Variants in MRRF observed in about 807,000 individuals in gnomAD.
The protein encoded by MRRF is ribosome-recycling factor, mitochondrial.
A neutral mutation model predicts 25.1 loss-of-function variants in MRRF; 18 were observed. The ratio of observed to expected loss-of-function variants is 0.72; its 90% CI spans 0.50 to 1.06. The LOEUF (loss-of-function observed/expected upper bound fraction) is 1.06. MRRF is among the 50% of genes least tolerant of loss of function. The pLI is 0.00. For synonymous variants in MRRF, 113 were observed against 112.1 expected, an observed-to-expected ratio of 1.01 and a Z score of -0.05; for missense variants, 323 against 319.3, an observed-to-expected ratio of 1.01 and a Z score of -0.09.
At position 122,283,130 on chromosome 9, in the gene MRRF, G is replaced by T. The variant is rs553275703; in HGVS notation, c.341-2039G>T. ...TTTTTTGGAGTCAGAGTCTTGCACT[G>T]TCGCCAGGAGTGGAGTGCAATGGCG... is the stretch of plus-strand genomic sequence containing the variant. On this transcript the variant is annotated intron_variant, in intron 3 of 6. Coordinates refer to ENST00000344641, the MANE Select transcript of MRRF (RefSeq NM_138777.5). Among the ~76,000 whole-genome samples the T allele has an allele frequency of 1.1e-3, 163 of 142,814 alleles. 1 individual carries two copies. Among genetic ancestry groups the T allele is most frequent in the African/African-American group, 4.2e-3 (159 of 38,048 alleles). 93.7% of individuals were successfully genotyped at this position (142,814 alleles called of 152,430 possible).
Position 122,327,006 on chromosome 9 carries a change from C to T in MRRF, c.*4389C>T, listed in dbSNP as rs1281513220. 1 of 152,180 alleles carries T rather than the reference C, an allele frequency of 6.6e-6. No individual in the cohort carries two copies. The allele number at this position is 152,180 out of a possible 1,614,324, so 9.4% of individuals were successfully genotyped here. Reference sequence around the variant, plus strand: ...CGCTGAACACTTACTCAAAAGGGACCTCGCGCTGTTCTGGACCTGGACGGT... The same window carrying T: ...CGCTGAACACTTACTCAAAAGGGACTTCGCGCTGTTCTGGACCTGGACGGT... On this transcript the variant is annotated 3_prime_UTR_variant, in exon 7 of 7. Coordinates refer to ENST00000344641, the MANE Select transcript of MRRF (RefSeq NM_138777.5).
chr9:122,271,046 T>C lies in MRRF; in HGVS notation c.155T>C (p.Val52Ala). 1 of 1,614,198 alleles carries C rather than the reference T, an allele frequency of 6.2e-7. No homozygotes were observed. Among genetic ancestry groups the C allele is most frequent in the African/African-American group, 1.3e-5 (1 of 75,048 alleles). ...TACATGGCCTATTCAGCTGTACCAGTCCGCCATTTTGCTACCAAGAAAGCC... is the reference window on the plus strand; with the variant it reads ...TACATGGCCTATTCAGCTGTACCAGCCCGCCATTTTGCTACCAAGAAAGCC... ...RQYMAYSAVP[V>A]RHFATKKAKA... Residue 52 changes from valine to alanine, a missense_variant, in exon 2 of 7, where the codon GTC becomes GCC. Transcript: ENST00000344641.
intron 2 of MRRF, among the ~76,000 whole-genome samples, chr9:122,275,398 C>T (rs911530742): frequency 6.6e-6 from 1 of 151,942 alleles, no homozygotes; most frequent in African/African-American, 2.4e-5. Context: ...TTTGGGAGGC[C>T]GAGGCGGGTG....
chr9:122,316,285 C>T (rs544863201), intron 6 of MRRF, among the ~76,000 whole-genome samples: 1 of 152,106 alleles, frequency 6.6e-6, no homozygotes, highest in Admixed American at 6.5e-5. Context: ...AAGCGATTCT[C>T]CTGCCTCAGA....
At chr9:122,301,382 A>C (rs1293315305) in intron 5 of MRRF, among the ~76,000 whole-genome samples, 1 of 152,224 alleles carries the variant, frequency 6.6e-6, no homozygotes, top group African/African-American at 2.4e-5. Context: ...TGCAGTTGAC[A>C]GCTGCAGGAG....
chr9:122,285,698 C>T, intron 4 of MRRF: 2 of 1,132,106 alleles, frequency 1.8e-6, no homozygotes, highest in Non-Finnish European at 2.3e-6. Flanking sequence ...TTTTTATTTC[C>T]AGAAGAAGCT....
intron 6 of MRRF, among the ~76,000 whole-genome samples, chr9:122,318,820 T>G (rs1163168219): frequency 6.6e-6 from 1 of 152,254 alleles, no homozygotes; most frequent in Non-Finnish European, 1.5e-5. Context: ...GTGTCATCTT[T>G]CTGAGCCTCT....
intron 5 of MRRF, among the ~76,000 whole-genome samples, chr9:122,294,452 A>G (rs1296329549): frequency 1.3e-5 from 2 of 152,200 alleles, no homozygotes; most frequent in African/African-American, 2.4e-5. Flanking sequence ...ATTTTGGTTA[A>G]TGGGTGTAAT....
At position 122,280,357 on chromosome 9, in the gene MRRF, T is replaced by A. The variant is rs1002605846; in HGVS notation, c.185-86T>A. On this transcript the variant is annotated intron_variant, in intron 2 of 6. Coordinates refer to ENST00000344641, the MANE Select transcript of MRRF (RefSeq NM_138777.5). ...TTTTCTAACACTTGACATTTTTCCC[T>A]GTACATAGTAGGTACTTCTTCACCA... 2.1e-6 allele frequency: 3 copies of A among 1,415,482 alleles called. No individual in the cohort carries two copies. In the Admixed American group the frequency reaches 5.1e-5, roughly 24 times the overall value. The allele number at this position is 1,415,482 out of a possible 1,614,324, so 87.7% of individuals were successfully genotyped here. A position where few individuals can be genotyped will look rare whatever the true frequency, so the allele number is the denominator to read the frequency against.
chr9:122,303,451 A>G (rs1834601602), intron 5 of MRRF, among the ~76,000 whole-genome samples: 1 of 152,010 alleles, frequency 6.6e-6, no homozygotes, highest in African/African-American at 2.4e-5. Flanking sequence ...TGGCACAATC[A>G]CAATTAGTGG....
At chr9:122,308,575 T>G (rs1835008938) in intron 5 of MRRF, among the ~76,000 whole-genome samples, 1 of 151,486 alleles carries the variant, frequency 6.6e-6, no homozygotes, top group Non-Finnish European at 1.5e-5. Context: ...GGCTTGTGAC[T>G]GTAATCCCAG....
intron 5 of MRRF, among the ~76,000 whole-genome samples, chr9:122,298,494 A>C (rs1398761630): frequency 2.0e-5 from 3 of 152,236 alleles, no homozygotes; most frequent in Non-Finnish European, 4.4e-5. Flanking sequence ...CAATCAACAC[A>C]GAGTAGTTCA....
At chr9:122,301,883 A>G (rs1588059522) in intron 5 of MRRF, among the ~76,000 whole-genome samples, 1 of 150,712 alleles carries the variant, frequency 6.6e-6, no homozygotes, top group South Asian at 2.1e-4. Context: ...ACAGACATGC[A>G]CCACCACACC....
chr9:122,285,775 T>A (rs1007813349), intron 4 of MRRF: 188 of 1,265,858 alleles, frequency 1.5e-4, no homozygotes, highest in Non-Finnish European at 1.8e-4. Context: ...GTTTTTTTTT[T>A]AAAGACTATG....
intron 3 of MRRF, among the ~76,000 whole-genome samples, chr9:122,281,787 G>C (rs111280191): frequency 6.6e-6 from 1 of 152,136 alleles, no homozygotes; most frequent in Admixed American, 6.5e-5. Context: ...AAAAGATGAT[G>C]GGCCTGGAAA....
Position 122,288,096 on chromosome 9 carries a change from C to T in MRRF, c.459+2809C>T, listed in dbSNP as rs571741391. Among the ~76,000 whole-genome samples, 3 of 152,272 alleles carry T rather than the reference C, an allele frequency of 2.0e-5. No individual in the cohort carries two copies. In the South Asian group the frequency reaches 6.2e-4, roughly 32 times the overall value. ...GCATTGAAGACAGAAAACTGTGTTG[C>T]ATTTGTTTAACATGTGTCCTGCTTG... is the stretch of plus-strand genomic sequence containing the variant. On this transcript the variant is annotated intron_variant, in intron 4 of 6. Transcript: ENST00000344641.
chr9:122,313,173 G>T, intron 5 of MRRF, 54 bp from the exon 6 acceptor site: 1 of 1,558,152 alleles, frequency 6.4e-7, no homozygotes, highest in Non-Finnish European at 8.8e-7. Context: ...TAAATTCTTG[G>T]CCAGCAGTTA....
rs770139410 is a variant in MRRF at position 122,329,856 on chromosome 9, G to A, written c.*7239G>A. ...AGAAAGTCCCCTGCTGTCTTAGTCT[G>A]TGCATTCTCTGACTAGCACAGTATG... On this transcript the variant is annotated 3_prime_UTR_variant, in exon 7 of 7. Coordinates refer to ENST00000344641, the MANE Select transcript of MRRF (RefSeq NM_138777.5). 3 of 152,304 alleles carry A rather than the reference G, an allele frequency of 2.0e-5. No homozygotes were observed. The allele number at this position is 152,304 out of a possible 1,614,324, so 9.4% of individuals were successfully genotyped here.
chr9:122,302,094 T>C (rs1588060032), intron 5 of MRRF, among the ~76,000 whole-genome samples: 1 of 152,124 alleles, frequency 6.6e-6, no homozygotes, highest in Non-Finnish European at 1.5e-5. Flanking sequence ...TCTACTGCCG[T>C]GAGGCGTGCT....
Sources: gnomAD v4.1 joint callset for allele counts (sites outside exome capture counted in the v4.1 genomes callset) on GRCh38, gnomAD v4.1.1 for gene constraint, MANE v1.5 for transcripts, NCBI Gene and HGNC (gene_info 2026-07-23, HGNC 2026-07-21) for gene names.